WWOX: variants seen among roughly 807,000 people sequenced by gnomAD.
WWOX encodes WW domain containing oxidoreductase, also known as WW domain-containing oxidoreductase.
A neutral mutation model predicts 46.2 loss-of-function variants in WWOX; 69 were observed. The observed-to-expected ratio is 1.49, with a 90% CI of 1.23 to 1.82. The LOEUF (loss-of-function observed/expected upper bound fraction) is 1.82. Ranked by LOEUF, WWOX falls within the 40% of genes most tolerant of loss-of-function variation. The pLI is 0.00. For missense variants in WWOX, 919 were observed against 542.6 expected (o/e 1.69, Z -6.89); for synonymous variants, 359 against 202.6 (o/e 1.77, Z -6.56).
chr16:78,753,850 ATATATGTATATGTATATG>A lies in WWOX; in HGVS notation c.1056+321104_1056+321121del, dbSNP rs61569394. 8.0e-5 allele frequency among the ~76,000 whole-genome samples: 7 copies of A among 87,326 alleles called. No individual in the cohort carries two copies. In the South Asian group the frequency reaches 1.9e-3, roughly 23 times the overall value. The allele number at this position is 87,326 out of a possible 152,430, so 57.3% of individuals were successfully genotyped here. ...AATATATATATATATATATATATATATATATGTATATGTATATGTATATATAAATTTAAGGAAGCATAG... is the reference window on the plus strand; with the variant it reads ...AATATATATATATATATATATATATATATATATAAATTTAAGGAAGCATAG... On this transcript the variant is annotated intron_variant, in intron 8 of 8. Transcript: ENST00000566780.
chr16:78,432,875 C>A, intron 8 of WWOX, 123 bp downstream of exon 8: 2 of 1,446,514 alleles, frequency 1.4e-6, no homozygotes, highest in Non-Finnish European at 1.9e-6. Context: ...TTGTCCAGCC[C>A]ATCATAAAGG....
intron 8 of WWOX, among the ~76,000 whole-genome samples, chr16:78,757,348 G>A (rs1165247007): frequency 6.6e-6 from 1 of 152,010 alleles, no homozygotes; most frequent in Admixed American, 6.6e-5. Flanking sequence ...CAGCACCCCA[G>A]CACCCCAGCA....
chr16:79,069,483 G>C (rs75206639), intron 8 of WWOX, among the ~76,000 whole-genome samples: 3 of 151,624 alleles, frequency 2.0e-5, no homozygotes, highest in Non-Finnish European at 2.9e-5. Context: ...GTAAACTTAG[G>C]AACTAAGAAC....
At chr16:78,248,167 G>A (rs1350278181) in intron 5 of WWOX, among the ~76,000 whole-genome samples, 1 of 152,140 alleles carries the variant, frequency 6.6e-6, no homozygotes, top group African/African-American at 2.4e-5. Context: ...TCCACAGGCT[G>A]TACAGGAAGC....
chr16:78,850,786 C>T (rs982480321), intron 8 of WWOX, among the ~76,000 whole-genome samples: 1 of 152,160 alleles, frequency 6.6e-6, no homozygotes, highest in East Asian at 1.9e-4. Context: ...GATATTGATA[C>T]CCCTGGTCTT....
chr16:78,117,730 A>G (rs2032873463), intron 4 of WWOX, among the ~76,000 whole-genome samples: 1 of 152,184 alleles, frequency 6.6e-6, no homozygotes. Flanking sequence ...CTGAATGCCG[A>G]GTGAGTGAAT....
chr16:78,732,094 C>T (rs1431141655), intron 8 of WWOX, among the ~76,000 whole-genome samples: 10 of 151,924 alleles, frequency 6.6e-5, no homozygotes, highest in South Asian at 6.3e-4. Context: ...AAACTCATGC[C>T]CTCAAATGAT....
At chr16:78,352,121 G>A (rs11642474) in intron 5 of WWOX, among the ~76,000 whole-genome samples, 61,108 of 152,038 alleles carry the variant, frequency 0.4, 13,136 homozygotes, top group Non-Finnish European at 0.49. Context: ...GCTGCACCTC[G>A]GCCTATGCGA....
chr16:78,404,404 T>A (rs940771043), intron 6 of WWOX, among the ~76,000 whole-genome samples: 6 of 152,128 alleles, frequency 3.9e-5, no homozygotes, highest in Non-Finnish European at 8.8e-5. Context: ...CCCATTATTA[T>A]GACTTAATCC....
chr16:78,528,809 A>G (rs1023389589), intron 8 of WWOX, among the ~76,000 whole-genome samples: 1 of 152,154 alleles, frequency 6.6e-6, no homozygotes, highest in African/African-American at 2.4e-5. Context: ...CGTGTTCAGC[A>G]TTAAGGATTG....
chr16:79,149,999 G>A (rs1433980403), intron 8 of WWOX, among the ~76,000 whole-genome samples: 2 of 152,180 alleles, frequency 1.3e-5, no homozygotes, highest in Non-Finnish European at 1.5e-5. Flanking sequence ...GCCCATTTAT[G>A]TTTTTTATGG....
intron 8 of WWOX, among the ~76,000 whole-genome samples, chr16:79,128,595 G>A (rs1257192668): frequency 6.6e-6 from 1 of 152,140 alleles, no homozygotes; most frequent in African/African-American, 2.4e-5. Flanking sequence ...TTTGATTTCA[G>A]TAGCAAATGC....
intron 8 of WWOX, among the ~76,000 whole-genome samples, chr16:79,027,738 TC>T (rs2047674569): frequency 7.5e-6 from 1 of 133,810 alleles, no homozygotes; most frequent in Middle Eastern, 4.1e-3. Flanking sequence ...ATACAGAATG[TC>T]TCTTTTTTGA....
intron 8 of WWOX, among the ~76,000 whole-genome samples, chr16:78,562,914 T>TA (rs1243643953): frequency 1.3e-5 from 2 of 151,916 alleles, no homozygotes; most frequent in African/African-American, 4.8e-5. Context: ...GTTAATTACA[T>TA]AAAGAGAACT....
chr16:78,721,322 T>C (rs529982607), intron 8 of WWOX, among the ~76,000 whole-genome samples: 1 of 152,358 alleles, frequency 6.6e-6, no homozygotes, highest in South Asian at 2.1e-4. Flanking sequence ...CTTCAGGCTT[T>C]AAAGATATCA....
intron 8 of WWOX, among the ~76,000 whole-genome samples, chr16:78,680,508 G>A (rs1470620280): frequency 6.6e-6 from 1 of 152,088 alleles, no homozygotes; most frequent in Non-Finnish European, 1.5e-5. Flanking sequence ...TGAGCTACAG[G>A]GACTCTGTCT....
chr16:78,730,058 A>G (rs553275952), intron 8 of WWOX, among the ~76,000 whole-genome samples: 10 of 152,208 alleles, frequency 6.6e-5, no homozygotes, highest in African/African-American at 2.2e-4. Flanking sequence ...TGATATATCC[A>G]TTTTTTAGTT....
intron 8 of WWOX, among the ~76,000 whole-genome samples, chr16:79,154,651 T>C (rs12919104): frequency 0.044 from 6,682 of 152,286 alleles, 269 homozygotes; most frequent in Non-Finnish European, 0.056. Context: ...ACAACCCTTA[T>C]GCTGATGGAT....
intron 8 of WWOX, among the ~76,000 whole-genome samples, chr16:78,674,737 C>G (rs2047551167): frequency 6.6e-6 from 1 of 152,066 alleles, no homozygotes; most frequent in African/African-American, 2.4e-5. Flanking sequence ...GAATCTTTCA[C>G]TATGACTGCA....
Sources: allele counts gnomAD v4.1 joint callset (sites outside exome capture counted in the v4.1 genomes callset), GRCh38; gene constraint gnomAD v4.1.1; transcripts MANE v1.5; gene names NCBI Gene and HGNC (gene_info 2026-07-23, HGNC 2026-07-21).